Variants in PLCB1 observed in about 807,000 individuals in gnomAD.
PLCB1 encodes the protein phospholipase C beta 1, also known as 1-phosphatidylinositol 4,5-bisphosphate phosphodiesterase beta-1.
Under a neutral mutation model 161.8 loss-of-function variants are expected in PLCB1, and 46 were observed. That is an observed-to-expected ratio of 0.28 (90% CI 0.22 to 0.36). The LOEUF is 0.36. Ranked by LOEUF, PLCB1 falls within the 10% of genes least tolerant of loss-of-function variation. PLCB1 has a pLI of 1.00. For synonymous variants in PLCB1, 517 were observed against 503.7 expected (o/e 1.03, Z -0.35); for missense variants, 1,016 against 1,472.5 (o/e 0.69, Z 5.07).
chr20:8,547,488 T>A (rs2122980094), intron 3 of PLCB1, among the ~76,000 whole-genome samples: 1 of 152,270 alleles, frequency 6.6e-6, no homozygotes, highest in Middle Eastern at 3.4e-3. Context: ...ACCCACCCAG[T>A]TATGCAAGCA....
chr20:8,318,737 G>T (rs1313260378), intron 2 of PLCB1, among the ~76,000 whole-genome samples: 1 of 151,992 alleles, frequency 6.6e-6, no homozygotes, highest in Non-Finnish European at 1.5e-5. Context: ...AAGCAACTAA[G>T]AAAAAATTGA....
intron 9 of PLCB1, among the ~76,000 whole-genome samples, chr20:8,659,994 A>AAT (rs1428739577): frequency 1.2e-4 from 18 of 150,188 alleles, no homozygotes; most frequent in African/African-American, 3.4e-4. Context: ...TCTGTCTCAA[A>AAT]AAAAAAAAAA....
chr20:8,694,040 C>G (rs534662961), intron 10 of PLCB1, among the ~76,000 whole-genome samples: 4 of 152,134 alleles, frequency 2.6e-5, no homozygotes, highest in Non-Finnish European at 5.9e-5. Flanking sequence ...CAACCTTCAG[C>G]GATCCGCTAG....
chr20:8,512,042 C>A (rs1983913681), intron 3 of PLCB1, among the ~76,000 whole-genome samples: 1 of 152,054 alleles, frequency 6.6e-6, no homozygotes, highest in Non-Finnish European at 1.5e-5. Flanking sequence ...TAAACACAAG[C>A]AGGAAAAGCT....
chr20:8,773,680 A>C (rs1448862829), intron 26 of PLCB1, among the ~76,000 whole-genome samples: 1 of 152,146 alleles, frequency 6.6e-6, no homozygotes, highest in Non-Finnish European at 1.5e-5. Flanking sequence ...GCTGTTAAAA[A>C]TCTTGTTAAG....
intron 27 of PLCB1, among the ~76,000 whole-genome samples, chr20:8,787,321 C>A (rs568148917): frequency 6.6e-6 from 1 of 152,334 alleles, no homozygotes; most frequent in East Asian, 1.9e-4. Context: ...TGTGGCTCCA[C>A]CTCAGTGTGC....
chr20:8,404,032 T>A (rs1176676888), intron 3 of PLCB1, among the ~76,000 whole-genome samples: 2 of 151,112 alleles, frequency 1.3e-5, no homozygotes, highest in Non-Finnish European at 2.9e-5. Flanking sequence ...GGCTCATAAG[T>A]ATTTATGTAT....
At position 8,788,710 on chromosome 20, in the gene PLCB1, G is replaced by C. The variant is rs767989292; in HGVS notation, c.3266G>C (p.Ser1089Thr). 2.5e-6 allele frequency: 4 copies of C among 1,607,238 alleles called. No homozygotes were observed. In the Admixed American group the frequency reaches 6.7e-5, roughly 27 times the overall value. Residue 1089 changes from serine to threonine, a missense_variant, in exon 29 of 32, where the codon AGT (serine) becomes ACT (threonine). Physicochemically the swap from Ser to Thr is moderately conservative, Grantham distance 58. Around this residue, in one of 10 missense-constraint regions of PLCB1, gnomAD observed 398 missense variants for 445.4 expected, o/e 0.89. Transcript: ENST00000338037. ...ACAGAAGCTAAATCCAAAGACAAAA[G>C]TCAGATGGAAGAGTAAGTCAAAAGT... Reference protein sequence around the residue: ...KITEAKSKDKSQMEEEKTEMI... With the variant: ...KITEAKSKDKTQMEEEKTEMI...
At chr20:8,702,617 G>T (rs1978430093) in intron 11 of PLCB1, among the ~76,000 whole-genome samples, 2 of 152,122 alleles carry the variant, frequency 1.3e-5, no homozygotes, top group African/African-American at 4.8e-5. Context: ...GGATTTCAAG[G>T]CCAGTTTGTC....
At chr20:8,260,737 T>C (rs1981646089) in intron 2 of PLCB1, among the ~76,000 whole-genome samples, 1 of 152,026 alleles carries the variant, frequency 6.6e-6, no homozygotes. Context: ...AAGAAAGAGC[T>C]CTTGTGGGAG....
In PLCB1 at chr20:8,186,571, C is replaced by T. The variant is rs1009069646; in HGVS notation, c.177+36200C>T. Among the ~76,000 whole-genome samples the T allele has an allele frequency of 3.4e-4, 51 of 152,054 alleles. 1 individual carries two copies. Among genetic ancestry groups the T allele is most frequent in the Admixed American group, 2.6e-4 (4 of 15,250 alleles). Reference sequence around the variant, plus strand: ...TTGCAAATCTCTGTGAGTTTGCCCCCGTGATGCTTGTTTCAGCATCATGAC... The same window carrying T: ...TTGCAAATCTCTGTGAGTTTGCCCCTGTGATGCTTGTTTCAGCATCATGAC... On this transcript the variant is annotated intron_variant, in intron 2 of 31. Coordinates refer to ENST00000338037, the MANE Select transcript of PLCB1 (RefSeq NM_015192.4).
chr20:8,812,793 G>T (rs113569628), intron 31 of PLCB1, among the ~76,000 whole-genome samples: 9 of 152,180 alleles, frequency 5.9e-5, no homozygotes, highest in Non-Finnish European at 2.9e-5. Flanking sequence ...GCAAAAAAAC[G>T]TGTAAAACCA....
chr20:8,819,865 G>A (rs541094781), intron 31 of PLCB1, among the ~76,000 whole-genome samples: 4 of 152,016 alleles, frequency 2.6e-5, no homozygotes, highest in Admixed American at 6.6e-5. Flanking sequence ...CCCTGGTTTA[G>A]TTGGTTAAAT....
chr20:8,784,290 CGGT>C (rs1224909739), intron 27 of PLCB1, among the ~76,000 whole-genome samples: 4 of 151,892 alleles, frequency 2.6e-5, no homozygotes, highest in Non-Finnish European at 5.9e-5. Context: ...AGGTCGGGCT[CGGT>C]GGCTCACACC....
chr20:8,154,570 A>G (rs780695357), intron 2 of PLCB1, among the ~76,000 whole-genome samples: 3 of 152,186 alleles, frequency 2.0e-5, no homozygotes, highest in Non-Finnish European at 2.9e-5. Context: ...CCTGTCTTAT[A>G]TGAGTGGAAC....
Position 8,291,056 on chromosome 20 carries a change from G to A in PLCB1, c.178-80326G>A, listed in dbSNP as rs79805592. Among the ~76,000 whole-genome samples the A allele has an allele frequency of 3.1e-3, 449 of 146,772 alleles. 1 individual carries two copies. The highest frequency in any genetic ancestry group is 5.4e-3 in the Non-Finnish European group (358 of 66,434). On this transcript the variant is annotated intron_variant, in intron 2 of 31. Coordinates refer to ENST00000338037, the MANE Select transcript of PLCB1 (RefSeq NM_015192.4). Reference sequence around the variant, plus strand: ...ATCTTTTTGTGAAAAAAAAAAAAAAGAAATGAGAAAAGAAATGCCCCATCA... The same window carrying A: ...ATCTTTTTGTGAAAAAAAAAAAAAAAAAATGAGAAAAGAAATGCCCCATCA...
At chr20:8,606,538 C>T (rs997981499) in intron 3 of PLCB1, among the ~76,000 whole-genome samples, 1 of 152,124 alleles carries the variant, frequency 6.6e-6, no homozygotes, top group Non-Finnish European at 1.5e-5. Context: ...TGCCCTAATG[C>T]TACCACTAGT....
chr20:8,733,428 T>C (rs1319193373), intron 19 of PLCB1, 36 bp downstream of exon 19: 6 of 1,578,372 alleles, frequency 3.8e-6, no homozygotes, highest in Non-Finnish European at 5.2e-6. Context: ...TTCCTAACAA[T>C]AGTGTTGAAT....
intron 3 of PLCB1, among the ~76,000 whole-genome samples, chr20:8,451,951 G>A (rs1051633303): frequency 4.6e-5 from 7 of 151,354 alleles, no homozygotes; most frequent in African/African-American, 1.7e-4. Context: ...ATAGATCTTT[G>A]AGGAAATTAT....
Sources: gnomAD v4.1 joint callset for allele counts (sites outside exome capture counted in the v4.1 genomes callset) on GRCh38, gnomAD v4.1.1 for gene constraint, gnomAD v4.1.1 regional missense constraint, MANE v1.5 for transcripts, NCBI Gene and HGNC (gene_info 2026-07-23, HGNC 2026-07-21) for gene names.